Variants in GPC3 observed in about 807,000 individuals in gnomAD.
GPC3 encodes the protein glypican 3, also known as glypican-3.
GPC3 carries 3 observed loss-of-function variants against 34.4 expected under a neutral mutation model. That is an observed-to-expected ratio of 0.09 (90% CI 0.04 to 0.23). GPC3 has a LOEUF of 0.23. Ranked by LOEUF, GPC3 falls within the 10% of genes least tolerant of loss-of-function variation. GPC3 has a pLI of 1.00. For missense variants in GPC3, 351 were observed against 445.6 expected (o/e 0.79, Z 1.91); for synonymous variants, 177 against 174.0 (o/e 1.02, Z -0.13).
chrX:133,720,153 C>T (rs1184654044), intron 3 of GPC3, among the ~76,000 whole-genome samples: 1 of 111,750 alleles, frequency 8.9e-6, no homozygotes, highest in Non-Finnish European at 1.9e-5. Context: ...TATGGAGAGT[C>T]CTTACAGAAC....
intron 6 of GPC3, among the ~76,000 whole-genome samples, chrX:133,621,352 G>A (rs1359575758): frequency 1.8e-5 from 2 of 111,748 alleles, no homozygotes; most frequent in Non-Finnish European, 3.8e-5. Flanking sequence ...GCAGGGCAGG[G>A]CATCACCTCA....
chrX:133,598,348 A>C (rs1442834429), intron 6 of GPC3, among the ~76,000 whole-genome samples: 1 of 108,344 alleles, frequency 9.2e-6, no homozygotes, highest in Non-Finnish European at 1.9e-5. Flanking sequence ...CTTTTTGTAG[A>C]GGCAAGGTCT....
At chrX:133,822,164 G>A (rs866238873) in intron 2 of GPC3, among the ~76,000 whole-genome samples, 3 of 111,971 alleles carry the variant, frequency 2.7e-5, no homozygotes, top group African/African-American at 9.7e-5. Flanking sequence ...CTGTCTTGCT[G>A]CATCCCACCT....
intron 1 of GPC3, among the ~76,000 whole-genome samples, chrX:133,979,224 C>T (rs980583534): frequency 8.9e-6 from 1 of 111,750 alleles, no homozygotes; most frequent in Non-Finnish European, 1.9e-5. Context: ...AGTAGATTTA[C>T]TAATCTAGCA....
intron 2 of GPC3, among the ~76,000 whole-genome samples, chrX:133,789,687 G>T (rs2072140944): frequency 8.9e-6 from 1 of 111,821 alleles, no homozygotes; most frequent in Admixed American, 9.5e-5. Context: ...TCCCTCCCAG[G>T]GTTGTTACAG....
At chrX:133,958,716 A>AC (rs1337286837) in intron 1 of GPC3, among the ~76,000 whole-genome samples, 1 of 105,381 alleles carries the variant, frequency 9.5e-6, no homozygotes, top group Non-Finnish European at 1.9e-5. Context: ...ACTGAAAAAA[A>AC]AAAAAAACAA....
At chrX:133,677,277 T>C (rs1342325893) in intron 5 of GPC3, among the ~76,000 whole-genome samples, 1 of 111,582 alleles carries the variant, frequency 9.0e-6, no homozygotes, top group Non-Finnish European at 1.9e-5. Context: ...AGAATGATTA[T>C]ACCCTGGGGT....
At chrX:133,553,483 A>C (rs1371218295) in intron 7 of GPC3, among the ~76,000 whole-genome samples, 3 of 112,299 alleles carry the variant, frequency 2.7e-5, no homozygotes, top group African/African-American at 9.7e-5. Context: ...AAGTAAAACA[A>C]CTAATCTGCA....
intron 1 of GPC3, among the ~76,000 whole-genome samples, chrX:133,965,462 G>A (rs1310785881): frequency 9.0e-6 from 1 of 110,970 alleles, no homozygotes; most frequent in Non-Finnish European, 1.9e-5. Context: ...AAGGCCATGT[G>A]AGGATGGAGG....
At chrX:133,783,506 G>A in intron 2 of GPC3, among the ~76,000 whole-genome samples, 1 of 112,021 alleles carries the variant, frequency 8.9e-6, no homozygotes, top group East Asian at 2.8e-4. Flanking sequence ...GCCTGCAGCT[G>A]AGCAAGAAGG....
At chrX:133,634,667 TG>T (rs1306017330) in intron 6 of GPC3, among the ~76,000 whole-genome samples, 1 of 111,754 alleles carries the variant, frequency 8.9e-6, no homozygotes, top group Non-Finnish European at 1.9e-5. Flanking sequence ...AGTGGTTGCC[TG>T]GGGCTGGGGT....
chrX:133,753,417 C>T, intron 3 of GPC3, 65 bp downstream of exon 3: 2 of 860,759 alleles, frequency 2.3e-6, no homozygotes, highest in African/African-American at 2.0e-5. Flanking sequence ...TCCATCAGTA[C>T]CTGCTACTGG....
chrX:133,863,648 C>CTTTTTTTT lies in GPC3; in HGVS notation c.337+89394_337+89401dup, dbSNP rs1165193952. ...ACCCCTAGTTAACATAAAAATATTCCTTTTTTTTTTTTTTTTTTGAGACGG... is the reference window on the plus strand; with the variant it reads ...ACCCCTAGTTAACATAAAAATATTCCTTTTTTTTTTTTTTTTTTTTTTTTTTGAGACGG... On this transcript the variant is annotated intron_variant, in intron 2 of 7. Coordinates refer to ENST00000370818, the MANE Select transcript of GPC3 (RefSeq NM_004484.4). Among the ~76,000 whole-genome samples the CTTTTTTTT allele has an allele frequency of 2.9e-3, 214 of 72,877 alleles. 24 individuals carry two copies. The highest frequency in any genetic ancestry group is 0.017 in the African/African-American group (205 of 11,970). The allele number at this position is 72,877 out of a possible 115,157, so 63.3% of individuals were successfully genotyped here. A position where few individuals can be genotyped will look rare whatever the true frequency, so the allele number is the denominator to read the frequency against.
intron 2 of GPC3, among the ~76,000 whole-genome samples, chrX:133,895,224 C>G (rs1260331465): frequency 8.9e-6 from 1 of 111,913 alleles, no homozygotes; most frequent in Non-Finnish European, 1.9e-5. Flanking sequence ...GTAGCCTATT[C>G]TCTCTTTGGG....
At chrX:133,788,995 A>C in intron 2 of GPC3, among the ~76,000 whole-genome samples, 1 of 110,658 alleles carries the variant, frequency 9.0e-6, no homozygotes, top group Non-Finnish European at 1.9e-5. Context: ...GGCAGCCACT[A>C]TGAGGCTTCA....
At chrX:133,670,999 C>A in intron 5 of GPC3, 1 of 527,334 alleles carries the variant, frequency 1.9e-6, no homozygotes, top group Non-Finnish European at 3.4e-6. Context: ...ATCCAAACTA[C>A]AAAGTTCATG....
In GPC3 at chrX:133,616,658, T is replaced by G. The variant is rs184719342; in HGVS notation, c.1414-20059A>C. On this transcript the variant is annotated intron_variant, in intron 6 of 7. Transcript: ENST00000370818. Reference sequence around the variant, plus strand: ...TTAGTTCAGGGAGGTCTTGGAATAATGACAGATCAGTGGAATATAATTGAG... The same window carrying G: ...TTAGTTCAGGGAGGTCTTGGAATAAGGACAGATCAGTGGAATATAATTGAG... Among the ~76,000 whole-genome samples the G allele has an allele frequency of 6.4e-4, 71 of 110,293 alleles. 1 individual carries two copies. In the Admixed American group the frequency reaches 6.6e-3, roughly 10 times the overall value.
chrX:133,777,125 C>T (rs1372413285), intron 2 of GPC3, among the ~76,000 whole-genome samples: 2 of 109,716 alleles, frequency 1.8e-5, no homozygotes, highest in African/African-American at 3.3e-5. Context: ...ATGATCTGTC[C>T]GCTTCGACCT....
At position 133,855,556 on chromosome X, in the gene GPC3, TG is replaced by T. The variant is rs1479817861; in HGVS notation, c.337+97493del. ...ATATATATATATATATATAGTAAAA[TG>T]GTCCCTATAGTGGAACAAATTAACA... On this transcript the variant is annotated intron_variant, in intron 2 of 7. Coordinates refer to ENST00000370818, the MANE Select transcript of GPC3 (RefSeq NM_004484.4). Among the ~76,000 whole-genome samples, 6 of 106,281 alleles carry T rather than the reference TG, an allele frequency of 5.6e-5. 1 individual carries two copies. The highest frequency in any genetic ancestry group is 3.0e-4 in the Admixed American group (3 of 9,910). 92.3% of individuals were successfully genotyped at this position (106,281 alleles called of 115,157 possible). A position where few individuals can be genotyped will look rare whatever the true frequency, so the allele number is the denominator to read the frequency against.
Sources: allele counts gnomAD v4.1 joint callset (sites outside exome capture counted in the v4.1 genomes callset), GRCh38; gene constraint gnomAD v4.1.1; transcripts MANE v1.5; gene names NCBI Gene and HGNC (gene_info 2026-07-23, HGNC 2026-07-21).